Variants in CPPED1 observed in about 807,000 individuals in gnomAD.
The protein encoded by CPPED1 is serine/threonine-protein phosphatase CPPED1.
A neutral mutation model predicts 28.0 loss-of-function variants in CPPED1; 28 were observed. The observed-to-expected ratio is 1.00, with a 90% CI of 0.74 to 1.37. The LOEUF (loss-of-function observed/expected upper bound fraction) is 1.37, where lower values mean the gene tolerates loss of function less well. Ranked by LOEUF, CPPED1 falls within the 40% of genes most tolerant of loss-of-function variation. The probability of loss-of-function intolerance (pLI) is 0.00; values close to 1 mark genes in which losing one functional copy is unlikely to be tolerated. For synonymous variants in CPPED1, 198 were observed against 180.2 expected (o/e 1.10, Z -0.79); for missense variants, 504 against 416.5 (o/e 1.21, Z -1.83).
chr16:12,688,686 AC>A (rs2079946479), intron 3 of CPPED1, among the ~76,000 whole-genome samples: 2 of 151,978 alleles, frequency 1.3e-5, no homozygotes, highest in African/African-American at 4.8e-5. Flanking sequence ...TTCTTTCCTG[AC>A]TTTTCTCCAA....
At chr16:12,795,863 C>A (rs566946684) in intron 1 of CPPED1, among the ~76,000 whole-genome samples, 7 of 151,936 alleles carry the variant, frequency 4.6e-5, no homozygotes, top group African/African-American at 1.7e-4. Flanking sequence ...GTGGGCAGTT[C>A]ACTTGAGGTC....
intron 2 of CPPED1, among the ~76,000 whole-genome samples, chr16:12,758,990 C>T (rs950526695): frequency 3.4e-4 from 51 of 151,646 alleles, no homozygotes; most frequent in Middle Eastern, 3.4e-3. Flanking sequence ...CGGCAAGACC[C>T]CATCCCTACA....
At chr16:12,665,985 C>T (rs1488001432) in intron 3 of CPPED1, among the ~76,000 whole-genome samples, 11 of 151,998 alleles carry the variant, frequency 7.2e-5, no homozygotes, top group East Asian at 1.9e-4. Flanking sequence ...GGCCTGGTGG[C>T]GGGCATCTGT....
chr16:12,713,375 A>AT (rs1232514329), intron 2 of CPPED1, among the ~76,000 whole-genome samples: 1 of 151,538 alleles, frequency 6.6e-6, no homozygotes, highest in Non-Finnish European at 1.5e-5. Context: ...TTTATTTTTT[A>AT]TTTTTTTTGA....
intron 2 of CPPED1, among the ~76,000 whole-genome samples, chr16:12,710,186 T>C (rs1055996914): frequency 3.3e-5 from 5 of 152,104 alleles, no homozygotes; most frequent in Admixed American, 1.3e-4. Context: ...AGTAAATATA[T>C]AAAAATCAAC....
intron 3 of CPPED1, among the ~76,000 whole-genome samples, chr16:12,668,526 C>T (rs2079837795): frequency 6.6e-6 from 1 of 152,068 alleles, no homozygotes; most frequent in Non-Finnish European, 1.5e-5. Flanking sequence ...TTTGTGCTCC[C>T]AAAACATTAT....
At chr16:12,787,919 T>A (rs1458513014) in intron 1 of CPPED1, among the ~76,000 whole-genome samples, 2 of 152,116 alleles carry the variant, frequency 1.3e-5, no homozygotes, top group Non-Finnish European at 2.9e-5. Context: ...AATGCTGAGG[T>A]CTCATCTGAA....
intron 3 of CPPED1, 76 bp from the exon 4 acceptor site, chr16:12,665,191 T>G: frequency 1.6e-6 from 2 of 1,273,276 alleles, no homozygotes; most frequent in Non-Finnish European, 2.2e-6. Flanking sequence ...CATTTTATTC[T>G]GTGAACAGTA....
intron 1 of CPPED1, among the ~76,000 whole-genome samples, chr16:12,788,603 G>C (rs1454063330): frequency 1.3e-5 from 2 of 152,050 alleles, no homozygotes; most frequent in African/African-American, 4.8e-5. Context: ...ATGGGGCTTA[G>C]GCATGCCTCA....
intron 2 of CPPED1, among the ~76,000 whole-genome samples, chr16:12,748,375 T>C (rs2080304874): frequency 6.6e-6 from 1 of 152,304 alleles, no homozygotes; most frequent in Admixed American, 6.5e-5. Flanking sequence ...AGAAAATATG[T>C]GAGATACGAT....
intron 2 of CPPED1, among the ~76,000 whole-genome samples, chr16:12,770,633 G>C (rs867411909): frequency 2.6e-5 from 4 of 152,038 alleles, no homozygotes; most frequent in Middle Eastern, 3.2e-3. Flanking sequence ...GACCAGCCTG[G>C]CCAACATAAC....
rs1596434355 is a variant in CPPED1, at chr16:12,664,271, A to T, written c.*615T>A. ...CTAGGCACCCAGGAAGGCAAATTTA[A>T]GCTCCGAGCTGTATCAACTGCATTC... is the stretch of plus-strand genomic sequence containing the variant. On this transcript the variant is annotated 3_prime_UTR_variant, in exon 4 of 4. Transcript: ENST00000381774. The surrounding 1 kb of genome is among the most constrained non-coding windows in gnomAD (Gnocchi z 4.2). 1 of 791,228 alleles carries T rather than the reference A, an allele frequency of 1.3e-6. No individual in the cohort carries two copies. The allele number at this position is 791,228 out of a possible 1,614,324, so 49.0% of individuals were successfully genotyped here. A position where few individuals can be genotyped will look rare whatever the true frequency, so the allele number is the denominator to read the frequency against.
At chr16:12,770,768 G>A (rs1012316271) in intron 2 of CPPED1, among the ~76,000 whole-genome samples, 2 of 151,976 alleles carry the variant, frequency 1.3e-5, no homozygotes, top group Non-Finnish European at 2.9e-5. Context: ...GTTGCAGTGA[G>A]CCGAGATCGC....
At position 12,744,294 on chromosome 16, in the gene CPPED1, G is replaced by A. The variant is rs201836640; in HGVS notation, c.289+36891C>T. On this transcript the variant is annotated intron_variant, in intron 2 of 3. Transcript: ENST00000381774. Reference sequence around the variant, plus strand: ...AAAGAGAGAGAGAGAGAGAGAGAGAGAGAAAGCAAGCAAGCAAGCAAGCAA... The same window carrying A: ...AAAGAGAGAGAGAGAGAGAGAGAGAAAGAAAGCAAGCAAGCAAGCAAGCAA... 2.6e-3 allele frequency among the ~76,000 whole-genome samples: 202 copies of A among 76,402 alleles called. 1 individual carries two copies. Among genetic ancestry groups the A allele is most frequent in the Middle Eastern group, 6.7e-3 (1 of 150 alleles). The allele number at this position is 76,402 out of a possible 152,430, so 50.1% of individuals were successfully genotyped here. A position where few individuals can be genotyped will look rare whatever the true frequency, so the allele number is the denominator to read the frequency against.
At chr16:12,764,106 G>GA (rs2080425466) in intron 2 of CPPED1, among the ~76,000 whole-genome samples, 1 of 149,908 alleles carries the variant, frequency 6.7e-6, no homozygotes, top group African/African-American at 2.5e-5. Flanking sequence ...AATTTTTCAT[G>GA]AAAAAGCATT....
intron 2 of CPPED1, among the ~76,000 whole-genome samples, chr16:12,772,810 A>G (rs2080477441): frequency 1.3e-5 from 2 of 152,240 alleles, no homozygotes; most frequent in Admixed American, 1.3e-4. Context: ...CCCCTAGGCC[A>G]GATCTCATTT....
intron 3 of CPPED1, among the ~76,000 whole-genome samples, chr16:12,669,694 C>T (rs370974405): frequency 6.6e-6 from 1 of 152,206 alleles, no homozygotes; most frequent in South Asian, 2.1e-4. Flanking sequence ...GCTGAGAGCC[C>T]CTAGAAGTAT....
Position 12,799,428 on chromosome 16 carries a change from T to C in CPPED1, c.70+4279A>G, listed in dbSNP as rs543828945. On this transcript the variant is annotated intron_variant, in intron 1 of 3. Transcript: ENST00000381774. ...ACCCGGCTAATTTTTTTAATTTTAG[T>C]AGAGATGGGGTTTCGCCATGTTGGC... Among the ~76,000 whole-genome samples, 10 of 152,162 alleles carry C rather than the reference T, an allele frequency of 6.6e-5. No homozygotes were observed. The South Asian group carries it at 2.1e-3, about 32-fold the overall frequency.
intron 3 of CPPED1, among the ~76,000 whole-genome samples, chr16:12,667,382 T>A (rs900700444): frequency 6.6e-6 from 1 of 152,126 alleles, no homozygotes; most frequent in African/African-American, 2.4e-5. Context: ...ATAAATTGAA[T>A]GAGAACAGGA....
Sources: allele counts gnomAD v4.1 joint callset (sites outside exome capture counted in the v4.1 genomes callset), GRCh38; gene constraint gnomAD v4.1.1; non-coding constraint Gnocchi (gnomAD v3.1); transcripts MANE v1.5; gene names NCBI Gene and HGNC (gene_info 2026-07-23, HGNC 2026-07-21).